Variants in DDX10 observed in about 807,000 individuals in gnomAD.
DDX10 encodes DEAD-box helicase 10.
A neutral mutation model predicts 104.3 loss-of-function variants in DDX10; 74 were observed. The ratio of observed to expected loss-of-function variants is 0.71; its 90% CI spans 0.59 to 0.86. The LOEUF is 0.86. DDX10 is among the 40% of genes least tolerant of loss of function. The probability of loss-of-function intolerance (pLI) is 0.00; values close to 1 mark genes in which losing one functional copy is unlikely to be tolerated. For synonymous variants in DDX10, 351 were observed against 353.4 expected (o/e 0.99, Z 0.08); for missense variants, 952 against 1,040.0 (o/e 0.92, Z 1.16).
intron 16 of DDX10, among the ~76,000 whole-genome samples, chr11:108,911,715 C>T (rs1863682586): frequency 1.3e-5 from 2 of 151,878 alleles, no homozygotes; most frequent in African/African-American, 2.4e-5. Flanking sequence ...ACTATAGGAG[C>T]GTGTCACCAT....
At chr11:108,802,293 A>G (rs1195743577) in intron 13 of DDX10, among the ~76,000 whole-genome samples, 1 of 152,178 alleles carries the variant, frequency 6.6e-6, no homozygotes, top group African/African-American at 2.4e-5. Context: ...TTCAAGTATC[A>G]TGCAGATTTT....
intron 17 of DDX10, among the ~76,000 whole-genome samples, chr11:108,933,586 C>G (rs1429630937): frequency 6.6e-6 from 1 of 152,178 alleles, no homozygotes; most frequent in Non-Finnish European, 1.5e-5. Context: ...AGTATTGTCT[C>G]ATTTCTCAGA....
At chr11:108,666,112 G>A (rs1039834522) in intron 1 of DDX10, among the ~76,000 whole-genome samples, 5 of 152,096 alleles carry the variant, frequency 3.3e-5, no homozygotes, top group Non-Finnish European at 7.3e-5. Context: ...TAAATCCCAT[G>A]TTTGTTGGTC....
chr11:108,717,740 G>A (rs1194465679), intron 11 of DDX10, among the ~76,000 whole-genome samples: 2 of 152,220 alleles, frequency 1.3e-5, no homozygotes, highest in Admixed American at 6.5e-5. Flanking sequence ...CTTACTGTGT[G>A]CCAGGTACTT....
chr11:108,882,789 T>G (rs1341665193), intron 16 of DDX10, among the ~76,000 whole-genome samples: 2 of 152,228 alleles, frequency 1.3e-5, no homozygotes, highest in African/African-American at 4.8e-5. Context: ...AAAATGCTCT[T>G]GGAAGAAAGG....
rs540876973 is a variant in DDX10 at position 108,735,515 on chromosome 11, G to A, written c.1965+12053G>A. 2.6e-5 allele frequency among the ~76,000 whole-genome samples: 4 copies of A among 152,164 alleles called. No homozygotes were observed. The East Asian group carries it at 7.7e-4, about 29-fold the overall frequency. Reference sequence around the variant, plus strand: ...GGTGGTCACCATGGAGGGTGTATAAGGCACTCTTCTGTTGTTGCTGGATCA... The same window carrying A: ...GGTGGTCACCATGGAGGGTGTATAAAGCACTCTTCTGTTGTTGCTGGATCA... On this transcript the variant is annotated intron_variant, in intron 13 of 17. Coordinates refer to ENST00000322536, the MANE Select transcript of DDX10 (RefSeq NM_004398.4).
At chr11:108,813,635 C>G (rs1383162902) in intron 13 of DDX10, among the ~76,000 whole-genome samples, 1 of 152,100 alleles carries the variant, frequency 6.6e-6, no homozygotes, top group African/African-American at 2.4e-5. Flanking sequence ...TAAAGTTGAA[C>G]AGGGCCTTCA....
intron 13 of DDX10, among the ~76,000 whole-genome samples, chr11:108,806,408 G>A (rs1230806301): frequency 2.0e-5 from 3 of 152,162 alleles, no homozygotes; most frequent in African/African-American, 4.8e-5. Flanking sequence ...ATGATACTCT[G>A]TTTGGTATGT....
chr11:108,825,660 G>A (rs1172846999), intron 13 of DDX10, among the ~76,000 whole-genome samples: 1 of 152,092 alleles, frequency 6.6e-6, no homozygotes, highest in Non-Finnish European at 1.5e-5. Flanking sequence ...ATGAATCATG[G>A]TTATTTCATA....
At chr11:108,704,094 T>C (rs2094272392) in intron 9 of DDX10, among the ~76,000 whole-genome samples, 1 of 152,172 alleles carries the variant, frequency 6.6e-6, no homozygotes, top group Non-Finnish European at 1.5e-5. Context: ...ACTTTAGTCC[T>C]GACTCATCCT....
intron 13 of DDX10, among the ~76,000 whole-genome samples, chr11:108,810,644 TTA>T (rs1195214449): frequency 6.6e-6 from 1 of 152,188 alleles, no homozygotes; most frequent in Non-Finnish European, 1.5e-5. Context: ...GTATAAATGT[TTA>T]TGTTTCAACG....
At chr11:108,719,741 T>A in intron 11 of DDX10, 56 bp from the exon 12 acceptor site, 3 of 1,101,832 alleles carry the variant, frequency 2.7e-6, no homozygotes, top group Non-Finnish European at 4.0e-6. Flanking sequence ...TATATTTTGG[T>A]CTAAACTCAT....
chr11:108,846,977 G>A (rs939568172), intron 15 of DDX10, among the ~76,000 whole-genome samples: 20 of 152,268 alleles, frequency 1.3e-4, no homozygotes, highest in Middle Eastern at 6.8e-3. Context: ...AGCTTTAGTT[G>A]CTCTTCATGA....
At chr11:108,670,865 G>A (rs1046013398) in intron 1 of DDX10, among the ~76,000 whole-genome samples, 1 of 151,774 alleles carries the variant, frequency 6.6e-6, no homozygotes, top group African/African-American at 2.4e-5. Flanking sequence ...TTCTCTTGAC[G>A]GCAACAGGTG....
rs547909834 is a variant in DDX10, at chr11:108,749,228, A to G, written c.1965+25766A>G. On this transcript the variant is annotated intron_variant, in intron 13 of 17. Transcript: ENST00000322536. The stretch of plus-strand genomic sequence containing the variant: ...TGTCTAGATTTTTGAAGGCATCTCT[A>G]TTTTTGAAGGCTAGAGTGGTGATAG... Among the ~76,000 whole-genome samples the G allele has an allele frequency of 2.6e-5, 4 of 152,084 alleles. No homozygotes were observed. In the South Asian group the frequency reaches 6.2e-4, roughly 24 times the overall value.
intron 13 of DDX10, among the ~76,000 whole-genome samples, chr11:108,824,016 A>G (rs780749569): frequency 6.6e-6 from 1 of 152,070 alleles, no homozygotes; most frequent in Non-Finnish European, 1.5e-5. Context: ...ATAGTGTCGT[A>G]TTGTTTGAAA....
chr11:108,900,112 C>CAAA (rs111587278), intron 16 of DDX10, among the ~76,000 whole-genome samples: 6 of 142,370 alleles, frequency 4.2e-5, no homozygotes, highest in African/African-American at 1.3e-4. Context: ...AACTCTGTCT[C>CAAA]AAAAAAAAAA....
intron 13 of DDX10, among the ~76,000 whole-genome samples, chr11:108,793,491 C>T (rs1315260206): frequency 6.6e-6 from 1 of 152,124 alleles, no homozygotes; most frequent in East Asian, 1.9e-4. Context: ...AGTAGGTACA[C>T]CTTTACCTCA....
chr11:108,771,654 T>C (rs905483966), intron 13 of DDX10, among the ~76,000 whole-genome samples: 2 of 152,172 alleles, frequency 1.3e-5, no homozygotes, highest in African/African-American at 4.8e-5. Context: ...GGAGACTTGG[T>C]TCTGGATTAG....
Sources: gnomAD v4.1 joint callset for allele counts (sites outside exome capture counted in the v4.1 genomes callset) on GRCh38, gnomAD v4.1.1 for gene constraint, MANE v1.5 for transcripts, NCBI Gene and HGNC (gene_info 2026-07-23, HGNC 2026-07-21) for gene names.